The following KCNH2 variants were observed in gnomAD, a reference collection of about 807,000 sequenced individuals.
KCNH2 encodes potassium voltage-gated channel subfamily H member 2.
In KCNH2, 35 loss-of-function variants were observed where a neutral mutation model predicts 95.9. That is an observed-to-expected ratio of 0.37 (90% CI 0.28 to 0.48). The LOEUF is 0.48. Ranked by LOEUF, KCNH2 falls within the 20% of genes least tolerant of loss-of-function variation. KCNH2 has a pLI of 0.99. For synonymous variants in KCNH2, 786 were observed against 754.7 expected (o/e 1.04, Z -0.68); for missense variants, 1,274 against 1,702.9 (o/e 0.75, Z 4.43).
chr7:150,950,181 G>A lies in KCNH2; in HGVS notation c.2385C>T (p.Val795=), dbSNP rs1161547614. Residue 795 remains valine (V), a synonymous_variant, in exon 9 of 15, where the codon GTC becomes GTT. Transcript: ENST00000262186. ...GSIEILRGDV[V]VAILGKNDIF... Reference sequence around the variant, plus strand: ...CCCACCCCATACCCAGGATGGCCACGACGACGTCGCCCCGCAGGATCTCGA... The same window carrying A: ...CCCACCCCATACCCAGGATGGCCACAACGACGTCGCCCCGCAGGATCTCGA... 9 of 1,607,212 alleles carry A rather than the reference G, an allele frequency of 5.6e-6. No homozygotes were observed. The highest frequency in any genetic ancestry group is 1.7e-4 in the Middle Eastern group (1 of 6,040).
At chr7:150,963,826 G>A (rs1300300154) in intron 2 of KCNH2, among the ~76,000 whole-genome samples, 5 of 152,174 alleles carry the variant, frequency 3.3e-5, no homozygotes, top group African/African-American at 1.2e-4. Flanking sequence ...GGCCTCCAGA[G>A]GCCATGCAGC....
rs555734087 is a variant in KCNH2, at chr7:150,952,442, C to T, written c.1540G>A (p.Gly514Ser). The T allele has an allele frequency of 6.2e-7, 1 of 1,614,070 alleles. No homozygotes were observed. The change falls in exon 6 of 15, where the codon GGC (glycine) becomes AGC (serine). Residue 514 changes from glycine to serine, a missense_variant. Gly to Ser is a moderately conservative substitution (Grantham distance 56). Coordinates refer to ENST00000262186, the MANE Select transcript of KCNH2 (RefSeq NM_000238.4). The surrounding 1 kb of genome is among the most constrained non-coding windows in gnomAD (Gnocchi z 7.3). ...GACCCCACCTCCTCAGAGCCAGAGC[C>T]GAAGATGAGCAGGTCGAAGGGGATG... is the stretch of plus-strand genomic sequence containing the variant. ...AAIPFDLLIF[G>S]SGSEELIGLL...
Position 150,962,084 on chromosome 7 carries a change from T to C in KCNH2, c.308-2348A>G, listed in dbSNP as rs549344847. On this transcript the variant is annotated intron_variant, in intron 2 of 14. Transcript: ENST00000262186. The surrounding 1 kb of genome is among the most constrained non-coding windows in gnomAD (Gnocchi z 5.7). ...GCAGCCACTCTTGTCCCCTGACCTC[T>C]GGCCTCTGACACACAGCAGTGGTGT... Among the ~76,000 whole-genome samples, 109 of 152,340 alleles carry C rather than the reference T, an allele frequency of 7.2e-4. 1 individual carries two copies. Among genetic ancestry groups the C allele is most frequent in the African/African-American group, 2.5e-3 (102 of 41,584 alleles).
chr7:150,972,603 G>T (rs142099318), intron 2 of KCNH2, among the ~76,000 whole-genome samples: 8 of 152,350 alleles, frequency 5.3e-5, no homozygotes, highest in Non-Finnish European at 1.2e-4. Flanking sequence ...GTGAAGAAGG[G>T]GACAGACAGA....
At chr7:150,964,832 G>A (rs960828675) in intron 2 of KCNH2, among the ~76,000 whole-genome samples, 1 of 152,248 alleles carries the variant, frequency 6.6e-6, no homozygotes, top group Non-Finnish European at 1.5e-5. Flanking sequence ...GCCCAGGGCT[G>A]TGCAGTGTCA....
At chr7:150,960,639 T>A (rs1380943365) in intron 2 of KCNH2, among the ~76,000 whole-genome samples, 2 of 152,204 alleles carry the variant, frequency 1.3e-5, no homozygotes, top group Non-Finnish European at 2.9e-5. Context: ...CTATAACATA[T>A]TAGCATTAAA....
chr7:150,947,923 AGAG>A (rs1261286304), intron 11 of KCNH2, 45 bp from the exon 12 acceptor site: 7 of 1,519,972 alleles, frequency 4.6e-6, no homozygotes, highest in Non-Finnish European at 5.3e-6. Flanking sequence ...AGGAGAACAG[AGAG>A]GAGGGGGCGA....
intron 3 of KCNH2, among the ~76,000 whole-genome samples, chr7:150,959,203 AG>A (rs1801484325): frequency 6.6e-6 from 1 of 152,128 alleles, no homozygotes. Flanking sequence ...CTTCCTACTG[AG>A]GGGAGGAGCT....
intron 5 of KCNH2, among the ~76,000 whole-genome samples, 170 bp downstream of exon 5, chr7:150,957,121 C>T (rs1356470119): frequency 6.6e-6 from 1 of 152,166 alleles, no homozygotes; most frequent in Non-Finnish European, 1.5e-5. Flanking sequence ...GTCCCCTCTC[C>T]CCCCATCGCA....
intron 6 of KCNH2, 86 bp from the exon 7 acceptor site, chr7:150,951,921 A>G: frequency 8.4e-6 from 11 of 1,304,940 alleles, no homozygotes; most frequent in Non-Finnish European, 1.0e-5. Flanking sequence ...CAGAGCGAGC[A>G]TCAGAGGTCA....
intron 1 of KCNH2, among the ~76,000 whole-genome samples, chr7:150,976,309 C>T (rs1056845222): frequency 6.6e-6 from 1 of 152,200 alleles, no homozygotes; most frequent in African/African-American, 2.4e-5. Context: ...TCTCCCTTCC[C>T]CTGGCCCCCA....
chr7:150,946,821 T>C lies in KCNH2; in HGVS notation c.3330+56A>G, dbSNP rs1437414821. Reference sequence around the variant, plus strand: ...GAAAGGCAGCAAAGCAGGTTTGGGCTGGAATCGGGGAACAAGCGGGTCACG... The same window carrying C: ...GAAAGGCAGCAAAGCAGGTTTGGGCCGGAATCGGGGAACAAGCGGGTCACG... On this transcript the variant is annotated intron_variant, in intron 14 of 14. Coordinates refer to ENST00000262186, the MANE Select transcript of KCNH2 (RefSeq NM_000238.4). This position sits in a 1 kb window ranked among gnomAD's most constrained non-coding sequence, Gnocchi z 6.5. 49 of 1,516,528 alleles carry C rather than the reference T, an allele frequency of 3.2e-5. No homozygotes were observed. The highest frequency in any genetic ancestry group is 4.2e-5 in the Non-Finnish European group (47 of 1,109,070). The allele number at this position is 1,516,528 out of a possible 1,614,324, so 93.9% of individuals were successfully genotyped here.
chr7:150,947,532 A>G lies in KCNH2; in HGVS notation c.2966-18T>C, dbSNP rs1283585364. The stretch of plus-strand genomic sequence containing the variant: ...GAAGGCGCCTGCAGCCAGAGAGCAG[A>G]GCTGGGTGAGCGGGGTAGACGCACC... On this transcript the variant is annotated intron_variant, in intron 12 of 14. Coordinates refer to ENST00000262186, the MANE Select transcript of KCNH2 (RefSeq NM_000238.4). The G allele has an allele frequency of 6.3e-7, 1 of 1,599,530 alleles. No homozygotes were observed. The highest frequency in any genetic ancestry group is 8.5e-7 in the Non-Finnish European group (1 of 1,173,778).
chr7:150,952,351 C>T lies in KCNH2; in HGVS notation c.1557+74G>A. The stretch of plus-strand genomic sequence containing the variant: ...TTTTCTCTGTCCTCCTCGCCACCCC[C>T]TCCACCCCACTACCTCCCACCACAT... On this transcript the variant is annotated intron_variant, in intron 6 of 14. Transcript: ENST00000262186. This position sits in a 1 kb window ranked among gnomAD's most constrained non-coding sequence, Gnocchi z 7.3. 1.4e-6 allele frequency: 2 copies of T among 1,441,130 alleles called. No individual in the cohort carries two copies. The allele number at this position is 1,441,130 out of a possible 1,614,324, so 89.3% of individuals were successfully genotyped here. A position where few individuals can be genotyped will look rare whatever the true frequency, so the allele number is the denominator to read the frequency against.
In KCNH2 at chr7:150,947,826, T is replaced by G; in HGVS notation, c.2745A>C (p.Ala915=). 6.6e-7 allele frequency: 1 copy of G among 1,525,910 alleles called. No homozygotes were observed. The highest frequency in any genetic ancestry group is 8.8e-7 in the Non-Finnish European group (1 of 1,142,276). The allele number at this position is 1,525,910 out of a possible 1,614,324, so 94.5% of individuals were successfully genotyped here. Residue 915 remains alanine, a synonymous_variant, in exon 12 of 15, where the codon GCA becomes GCC. Transcript: ENST00000262186. Reference sequence around the variant, plus strand: ...CCGGCCGGCCCCGGCTACTCGGCCCTGCCCCCGCCCGGCCCGGCCCCAAGG... The same window carrying G: ...CCGGCCGGCCCCGGCTACTCGGCCCGGCCCCCGCCCGGCCCGGCCCCAAGG... ...VSALGPGRAG[A]GPSSRGRPGG... is the part of the protein sequence containing the mutation.
Position 150,974,973 on chromosome 7 carries a change from C to T in KCNH2, c.77-32G>A, listed in dbSNP as rs760213268. 9 of 1,542,418 alleles carry T rather than the reference C, an allele frequency of 5.8e-6. No homozygotes were observed. In the South Asian group the frequency reaches 9.3e-5, roughly 16 times the overall value. On this transcript the variant is annotated intron_variant, in intron 1 of 14. Coordinates refer to ENST00000262186, the MANE Select transcript of KCNH2 (RefSeq NM_000238.4). Reference sequence around the variant, plus strand: ...GGGCGGGGAGGAGAGTGCGCGTGAGCGGGGACCCCAGCCTCCGGGACTCCC... The same window carrying T: ...GGGCGGGGAGGAGAGTGCGCGTGAGTGGGGACCCCAGCCTCCGGGACTCCC...
chr7:150,976,790 C>T (rs1285045903), intron 1 of KCNH2, among the ~76,000 whole-genome samples: 8 of 151,400 alleles, frequency 5.3e-5, no homozygotes, highest in Non-Finnish European at 8.8e-5. Context: ...CCCCTGGGCC[C>T]ACCCCCACCT....
intron 2 of KCNH2, 56 bp from the exon 3 acceptor site, chr7:150,959,792 A>T (rs750405745): frequency 6.2e-7 from 1 of 1,607,266 alleles, no homozygotes; most frequent in South Asian, 1.1e-5. Context: ...CAGAGCAGAA[A>T]GCCACGCAGG....
intron 2 of KCNH2, among the ~76,000 whole-genome samples, chr7:150,967,318 A>T (rs929828956): frequency 1.3e-5 from 2 of 152,206 alleles, no homozygotes; most frequent in Non-Finnish European, 2.9e-5. Flanking sequence ...TATGAAGAAC[A>T]AGGGAGATCC....
Sources: gnomAD v4.1 joint callset for allele counts (sites outside exome capture counted in the v4.1 genomes callset) on GRCh38, gnomAD v4.1.1 for gene constraint, Gnocchi (gnomAD v3.1) non-coding constraint, MANE v1.5 for transcripts, NCBI Gene and HGNC (gene_info 2026-07-23, HGNC 2026-07-21) for gene names.